Variants in STAT6 observed in about 807,000 individuals in gnomAD.
STAT6 encodes STAT, interleukin4-induced.
In STAT6, 45 loss-of-function variants were observed where a neutral mutation model predicts 106.3. The observed-to-expected ratio is 0.42, with a 90% CI of 0.33 to 0.54. The LOEUF is 0.54. Ranked by LOEUF, STAT6 falls within the 20% of genes least tolerant of loss-of-function variation. The pLI, the probability that STAT6 is intolerant of heterozygous loss-of-function variation, is 0.06. For synonymous variants in STAT6, 413 were observed against 413.6 expected (o/e 1.00, Z 0.02); for missense variants, 797 against 1,062.2 (o/e 0.75, Z 3.47).
At chr12:57,098,665 A>T in intron 18 of STAT6, 68 bp from the exon 19 acceptor site, 1 of 1,569,910 alleles carries the variant, frequency 6.4e-7, no homozygotes. Context: ...CTGCTTTTGA[A>T]CAGGTGTCCC....
chr12:57,097,629 A>T (rs1388022526), intron 19 of STAT6, among the ~76,000 whole-genome samples: 1 of 152,204 alleles, frequency 6.6e-6, no homozygotes, highest in Non-Finnish European at 1.5e-5. Context: ...TGGTCCCATA[A>T]GATTATAATC....
chr12:57,104,257 G>A (rs1270713451), intron 11 of STAT6: 15 of 651,390 alleles, frequency 2.3e-5, no homozygotes, highest in Non-Finnish European at 3.1e-5. Context: ...AAGTGCTTCC[G>A]AAGTGTTTGC....
Position 57,099,436 on chromosome 12 carries a change from A to C in STAT6, c.1749T>G (p.Ser583=), listed in dbSNP as rs1443574727. Residue 583 remains serine, a synonymous_variant, in exon 16 of 22, where the codon TCT becomes TCG. Coordinates refer to ENST00000300134, the MANE Select transcript of STAT6 (RefSeq NM_003153.5). This position sits in a 1 kb window ranked among gnomAD's most constrained non-coding sequence, Gnocchi z 4.7. ...IAHVIRGQDG[S]PQIENIQPFS... is the part of the protein sequence containing the mutation. ...ATGGCTGGATGTTCTCTATCTGTGG[A>C]GAGCCTATGGTAGGAAGGAGACCCT... The C allele has an allele frequency of 6.2e-6, 10 of 1,614,020 alleles. No homozygotes were observed. Among genetic ancestry groups the C allele is most frequent in the Non-Finnish European group, 7.6e-6 (9 of 1,180,026 alleles).
rs377761803 is a variant in STAT6 at position 57,097,039 on chromosome 12, A to G, written c.2225+29T>C. ...GGCAAGGCCAGGAAAGAAGAGGCAC[A>G]TGGGGTCAGGAGGGGCTTTGTCACT... is the stretch of plus-strand genomic sequence containing the variant. On this transcript the variant is annotated intron_variant, in intron 20 of 21. Transcript: ENST00000300134. The G allele has an allele frequency of 3.8e-5, 61 of 1,589,144 alleles. 1 individual carries two copies. In the Middle Eastern group the frequency reaches 6.7e-4, roughly 17 times the overall value.
In STAT6 at chr12:57,099,261, A is replaced by G. The variant is rs1377957750; in HGVS notation, c.1891+33T>C. ...GGGGAGCAGGGAGGAAGTGGGTGAC[A>G]GGAAGGAATCAGAGCTGCCAGTTCC... On this transcript the variant is annotated intron_variant, in intron 16 of 21. Coordinates refer to ENST00000300134, the MANE Select transcript of STAT6 (RefSeq NM_003153.5). This position sits in a 1 kb window ranked among gnomAD's most constrained non-coding sequence, Gnocchi z 4.7. The G allele has an allele frequency of 2.5e-6, 4 of 1,613,350 alleles. No homozygotes were observed. The highest frequency in any genetic ancestry group is 3.4e-6 in the Non-Finnish European group (4 of 1,179,416).
At chr12:57,097,580 C>T (rs1031975307) in intron 19 of STAT6, among the ~76,000 whole-genome samples, 2 of 152,180 alleles carry the variant, frequency 1.3e-5, no homozygotes, top group Non-Finnish European at 2.9e-5. Context: ...AACAGTCATG[C>T]ACCACATTAA....
intron 2 of STAT6, 118 bp downstream of exon 2, chr12:57,108,045 A>G (rs1019451836): frequency 2.8e-6 from 2 of 722,172 alleles, no homozygotes; most frequent in Admixed American, 2.3e-5. Context: ...CTAGGTCACT[A>G]CACATGGAAT....
chr12:57,099,885 G>T lies in STAT6; in HGVS notation c.1626C>A (p.Ile542=). The part of the protein sequence containing the change: ...YWSDRLIIGF[I]SKQYVTSLLL... ...GAAGGCTAGTAACGTACTGTTTGCT[G>T]ATGAAGCCAATGATCAGCCTGGCCG... Residue 542 remains isoleucine (I), a synonymous_variant, in exon 15 of 22, where the codon ATC becomes ATA. Coordinates refer to ENST00000300134, the MANE Select transcript of STAT6 (RefSeq NM_003153.5). The surrounding 1 kb of genome is among the most constrained non-coding windows in gnomAD (Gnocchi z 4.7). The T allele has an allele frequency of 6.2e-7, 1 of 1,614,262 alleles. No homozygotes were observed. Among genetic ancestry groups the T allele is most frequent in the Non-Finnish European group, 8.5e-7 (1 of 1,180,048 alleles).
chr12:57,100,632 GAGAA>G (rs1565683785), intron 13 of STAT6, among the ~76,000 whole-genome samples: 1 of 114,408 alleles, frequency 8.7e-6, no homozygotes, highest in Non-Finnish European at 1.8e-5. Context: ...AAGAGAGAAA[GAGAA>G]AGAGAAAGAA....
At chr12:57,107,389 G>T in intron 3 of STAT6, 75 bp from the exon 4 acceptor site, 1 of 1,433,034 alleles carries the variant, frequency 7.0e-7, no homozygotes, top group Non-Finnish European at 9.8e-7. Flanking sequence ...CCCCAGGCCT[G>T]CATTCACACA....
intron 13 of STAT6, 83 bp downstream of exon 13, chr12:57,102,207 C>T: frequency 6.9e-7 from 1 of 1,442,236 alleles, no homozygotes; most frequent in Non-Finnish European, 9.7e-7. Flanking sequence ...AGTGGAAGGT[C>T]CCTGCATGGA....
chr12:57,107,496 G>A, intron 3 of STAT6, 109 bp downstream of exon 3: 2 of 1,444,876 alleles, frequency 1.4e-6, no homozygotes, highest in Non-Finnish European at 1.9e-6. Context: ...GTTAACCACA[G>A]GAACACCAAT....
intron 2 of STAT6, 78 bp downstream of exon 2, chr12:57,108,085 G>A: frequency 1.1e-6 from 1 of 941,166 alleles, no homozygotes; most frequent in African/African-American, 1.6e-5. Flanking sequence ...ATCCATGGGT[G>A]AGGGGAGAAA....
chr12:57,104,246 G>C, intron 11 of STAT6: 1 of 608,550 alleles, frequency 1.6e-6, no homozygotes, highest in Non-Finnish European at 2.9e-6. Flanking sequence ...TGGTCTATAG[G>C]AAGTGCTTCC....
intron 1 of STAT6, among the ~76,000 whole-genome samples, chr12:57,108,825 C>T (rs1425629665): frequency 6.6e-6 from 1 of 152,212 alleles, no homozygotes; most frequent in Non-Finnish European, 1.5e-5. Context: ...GCTTCTACTT[C>T]CCTCTCCCCA....
At chr12:57,106,988 C>G (rs955873954) in intron 4 of STAT6, among the ~76,000 whole-genome samples, 157 bp from the exon 5 acceptor site, 3 of 152,216 alleles carry the variant, frequency 2.0e-5, no homozygotes, top group Admixed American at 2.0e-4. Flanking sequence ...TAAGACCTTG[C>G]TCCTAGCAGA....
Position 57,107,645 on chromosome 12 carries a change from C to T in STAT6, c.215G>A (p.Gly72Glu). The change falls in exon 3 of 22, where the codon GGG (glycine) becomes GAG (glutamate). Residue 72 changes from glycine to glutamate, a missense_variant. By Grantham distance (98) the Gly-to-Glu change is moderately conservative. Coordinates refer to ENST00000300134, the MANE Select transcript of STAT6 (RefSeq NM_003153.5). ...QHLQASVGEQGEGSTILQHIS... is the reference protein window; with the variant it reads ...QHLQASVGEQEEGSTILQHIS... ...GTGTTGCAAGATGGTGCTCCCCTCC[C>T]CCTGCTCTCCCACCGAGGCCTGAAG... 6.2e-7 allele frequency: 1 copy of T among 1,614,076 alleles called. No individual in the cohort carries two copies. Among genetic ancestry groups the T allele is most frequent in the Non-Finnish European group, 8.5e-7 (1 of 1,179,988 alleles).
intron 7 of STAT6, chr12:57,105,875 A>G (rs1030956285): frequency 2.5e-5 from 16 of 646,442 alleles, no homozygotes; most frequent in African/African-American, 2.2e-4. Context: ...CACCACTTAC[A>G]GTGCTTTGTG....
At chr12:57,105,129 C>T (rs768452147) in intron 9 of STAT6, 22 bp downstream of exon 9, 1 of 1,598,836 alleles carries the variant, frequency 6.3e-7, no homozygotes, top group South Asian at 1.1e-5. Context: ...CTTCTCCAAC[C>T]CCAGGTCCAA....
Sources: gnomAD v4.1 joint callset for allele counts (sites outside exome capture counted in the v4.1 genomes callset) on GRCh38, gnomAD v4.1.1 for gene constraint, Gnocchi (gnomAD v3.1) non-coding constraint, MANE v1.5 for transcripts, NCBI Gene and HGNC (gene_info 2026-07-23, HGNC 2026-07-21) for gene names.